FST: variants seen among roughly 807,000 people sequenced by gnomAD.
FST encodes follistatin.
In FST, 6 loss-of-function variants were observed where a neutral mutation model predicts 38.4. The observed-to-expected ratio is 0.16, with a 90% CI of 0.09 to 0.31. The LOEUF is 0.31. Among genes scored for constraint, FST ranks in the 10% least tolerant of loss-of-function variants. FST has a pLI of 1.00. For missense variants in FST, 301 were observed against 432.3 expected, an observed-to-expected ratio of 0.70 and a Z score of 2.69; for synonymous variants, 157 against 169.8, an observed-to-expected ratio of 0.92 and a Z score of 0.59.
chr5:53,484,300 A>AT lies in FST; in HGVS notation c.721+9dup, dbSNP rs1747416638. The AT allele has an allele frequency of 6.2e-7, 1 of 1,612,320 alleles. No individual in the cohort carries two copies. Among genetic ancestry groups the AT allele is most frequent in the Admixed American group, 1.7e-5 (1 of 59,918 alleles). On this transcript the variant is annotated splice_region_variant and intron_variant, in intron 4 of 5. Transcript: ENST00000256759. ...TATGAGGGAAAGTGTATCAGTAGGT[A>AT]TTCTGGATTGAGGAAGGAAAAAGAG...
Position 53,480,865 on chromosome 5 carries a change from GC to G in FST, c.75del (p.Ser26ValfsTer25). The G allele has an allele frequency of 6.6e-7, 1 of 1,524,080 alleles. No individual in the cohort carries two copies. 94.4% of individuals were successfully genotyped at this position (1,524,080 alleles called of 1,614,324 possible). On this transcript the variant is annotated frameshift_variant, in exon 1 of 6. Coordinates refer to ENST00000256759, the MANE Select transcript of FST (RefSeq NM_013409.3). LOFTEE classifies it high-confidence loss of function. Reference protein sequence around the residue: ...LLLLCQFMEDRSAQAGNCWLR... With the variant: ...LLLLCQFMEDXSAQAGNCWLR... ...CTGCTCTGCCAGTTCATGGAGGACC[GC>G]AGTGCCCAGGGTAAGCGAGTGGGGA...
chr5:53,481,822 C>T (rs1579760170), intron 1 of FST, among the ~76,000 whole-genome samples: 1 of 152,206 alleles, frequency 6.6e-6, no homozygotes, highest in African/African-American at 2.4e-5. Flanking sequence ...ATATTTCTTG[C>T]TAGGTATGAG....
At chr5:53,481,875 C>G (rs1376390725) in intron 1 of FST, among the ~76,000 whole-genome samples, 1 of 152,194 alleles carries the variant, frequency 6.6e-6, no homozygotes, top group Non-Finnish European at 1.5e-5. Context: ...ACTCCCCCCT[C>G]CCCCCACCTT....
rs367632187 is a variant in FST, at chr5:53,482,216, T to TTC, written c.86-650_86-649dup. 4.6e-5 allele frequency among the ~76,000 whole-genome samples: 7 copies of TTC among 151,836 alleles called. No individual in the cohort carries two copies. The East Asian group carries it at 5.8e-4, about 13-fold the overall frequency. ...CAGAAGTGCCTTTTGCTTGATCTGTTTCTCTCTCTCTCTCTTTCTTTTCTT... is the reference window on the plus strand; with the variant it reads ...CAGAAGTGCCTTTTGCTTGATCTGTTTCTCTCTCTCTCTCTCTTTCTTTTCTT... On this transcript the variant is annotated intron_variant, in intron 1 of 5. Transcript: ENST00000256759.
Position 53,483,190 on chromosome 5 carries a change from T to C in FST, c.277+119T>C. On this transcript the variant is annotated intron_variant, in intron 2 of 5. Transcript: ENST00000256759. This position sits in a 1 kb window ranked among gnomAD's most constrained non-coding sequence, Gnocchi z 4.1. ...GCTTTGTTCCTGGGCTTCCCCTTCC[T>C]GTCCCTTGCCCTGGTAAGCCGTGCA... The C allele has an allele frequency of 2.8e-6, 2 of 711,804 alleles. No individual in the cohort carries two copies. The highest frequency in any genetic ancestry group is 2.5e-5 in the Admixed American group (1 of 40,578). The allele number at this position is 711,804 out of a possible 1,614,324, so 44.1% of individuals were successfully genotyped here. A position where few individuals can be genotyped will look rare whatever the true frequency, so the allele number is the denominator to read the frequency against.
chr5:53,482,363 C>CGA (rs1343393936), intron 1 of FST, among the ~76,000 whole-genome samples: 1 of 149,816 alleles, frequency 6.7e-6, no homozygotes, highest in Admixed American at 6.7e-5. Context: ...CTCCATCTCT[C>CGA]CTCTCTCCTC....
chr5:53,482,725 T>C, intron 1 of FST, 155 bp from the exon 2 acceptor site: 3 of 575,494 alleles, frequency 5.2e-6, no homozygotes, highest in Non-Finnish European at 9.5e-6. Context: ...TTCGATTTAT[T>C]TCCTACTTTT....
Position 53,483,736 on chromosome 5 carries a change from T to A in FST, c.496+14T>A. The A allele has an allele frequency of 6.3e-7, 1 of 1,590,776 alleles. No homozygotes were observed. Among genetic ancestry groups the A allele is most frequent in the Non-Finnish European group, 8.6e-7 (1 of 1,159,220 alleles). ...GCAGATGTAAAAGTAGGTCCTACCC[T>A]GTTGAGCAAGACTGGATCTGTCCCC... On this transcript the variant is annotated intron_variant, in intron 3 of 5. Coordinates refer to ENST00000256759, the MANE Select transcript of FST (RefSeq NM_013409.3). This position sits in a 1 kb window ranked among gnomAD's most constrained non-coding sequence, Gnocchi z 4.1.
chr5:53,480,965 C>A, intron 1 of FST, 89 bp downstream of exon 1: 1 of 550,368 alleles, frequency 1.8e-6, no homozygotes, highest in South Asian at 3.0e-5. Context: ...TTCTGAGCAA[C>A]GCTGCTCTCG....
Position 53,483,314 on chromosome 5 carries a change from G to A in FST, c.278-190G>A, listed in dbSNP as rs1351169776. 6.6e-6 allele frequency among the ~76,000 whole-genome samples: 1 copy of A among 152,138 alleles called. No homozygotes were observed. Among genetic ancestry groups the A allele is most frequent in the Non-Finnish European group, 1.5e-5 (1 of 68,010 alleles). On this transcript the variant is annotated intron_variant, in intron 2 of 5. Coordinates refer to ENST00000256759, the MANE Select transcript of FST (RefSeq NM_013409.3). This position sits in a 1 kb window ranked among gnomAD's most constrained non-coding sequence, Gnocchi z 4.1. ...CACCAACCTGTGCTCCTTAATGAGA[G>A]AGATCTGGGTGTGGGGCACAGCCCA...
chr5:53,485,930 C>A lies in FST; in HGVS notation c.953-21C>A, dbSNP rs1747521543. The A allele has an allele frequency of 8.1e-6, 13 of 1,605,702 alleles. No individual in the cohort carries two copies. The East Asian group carries it at 2.9e-4, about 36-fold the overall frequency. On this transcript the variant is annotated intron_variant, in intron 5 of 5. Coordinates refer to ENST00000256759, the MANE Select transcript of FST (RefSeq NM_013409.3). ...TGTTGTCCGTATTTAAACAACAGCT[C>A]CCCTGTATTCCCCCATCTAGCCATT...
chr5:53,481,844 T>C (rs1192415251), intron 1 of FST, among the ~76,000 whole-genome samples: 2 of 152,216 alleles, frequency 1.3e-5, no homozygotes, highest in Non-Finnish European at 2.9e-5. Flanking sequence ...TAGGTACTTA[T>C]AACCGTGAAA....
chr5:53,480,798 C>A lies in FST; in HGVS notation c.7C>A (p.Arg3Ser), dbSNP rs568804432. Reference protein sequence around the residue: MVRARHQPGGLCL... With the variant: MVSARHQPGGLCL... ...CCCCGCGCCTGCCCCCAGGATGGTC[C>A]GCGCGAGGCACCAGCCGGGTGGGCT... Residue 3 changes from arginine (R) to serine (S), a missense_variant, in exon 1 of 6, where the codon CGC becomes AGC. By Grantham distance (110) the Arg-to-Ser change is moderately radical. Transcript: ENST00000256759. The A allele has an allele frequency of 2.0e-6, 3 of 1,501,610 alleles. No individual in the cohort carries two copies. The Admixed American group carries it at 6.4e-5, about 32-fold the overall frequency. The allele number at this position is 1,501,610 out of a possible 1,614,324, so 93.0% of individuals were successfully genotyped here.
chr5:53,486,079 AAAAAAAAAAAAAAAG>A lies in FST; in HGVS notation c.*52_*66del. On this transcript the variant is annotated 3_prime_UTR_variant, in exon 6 of 6. Transcript: ENST00000256759. Reference sequence around the variant, plus strand: ...GTTGACATAGCCTTTGTGCAAAAAAAAAAAAAAAAAAAAAGAAAAAGAAAAAAAGAAAAATATATT... The same window carrying A: ...GTTGACATAGCCTTTGTGCAAAAAAAAAAAAGAAAAAAAGAAAAATATATT... The A allele has an allele frequency of 1.2e-6, 1 of 810,458 alleles. No individual in the cohort carries two copies. The highest frequency in any genetic ancestry group is 1.9e-6 in the Non-Finnish European group (1 of 520,292). The allele number at this position is 810,458 out of a possible 1,614,324, so 50.2% of individuals were successfully genotyped here. A position where few individuals can be genotyped will look rare whatever the true frequency, so the allele number is the denominator to read the frequency against.
At position 53,483,972 on chromosome 5, in the gene FST, G is replaced by A. The variant is rs1747395971; in HGVS notation, c.497-97G>A. On this transcript the variant is annotated intron_variant, in intron 3 of 5. Coordinates refer to ENST00000256759, the MANE Select transcript of FST (RefSeq NM_013409.3). The surrounding 1 kb of genome is among the most constrained non-coding windows in gnomAD (Gnocchi z 4.1). Reference sequence around the variant, plus strand: ...GCTCCCTAAGTGCCTTTTGAAAGCTGGATGCTTCAGTGTCATGATTTCCTT... The same window carrying A: ...GCTCCCTAAGTGCCTTTTGAAAGCTAGATGCTTCAGTGTCATGATTTCCTT... 9.6e-7 allele frequency: 1 copy of A among 1,046,504 alleles called. No homozygotes were observed. The highest frequency in any genetic ancestry group is 1.4e-6 in the Non-Finnish European group (1 of 697,924). 64.8% of individuals were successfully genotyped at this position (1,046,504 alleles called of 1,614,324 possible). A position where few individuals can be genotyped will look rare whatever the true frequency, so the allele number is the denominator to read the frequency against.
At chr5:53,480,954 G>T (rs1424274092) in intron 1 of FST, 78 bp downstream of exon 1, 7 of 651,566 alleles carry the variant, frequency 1.1e-5, no homozygotes, top group Non-Finnish European at 1.7e-5. Context: ...CACTTGGTCT[G>T]TTCTGAGCAA....
At position 53,482,904 on chromosome 5, in the gene FST, C is replaced by G. The variant is rs759923783; in HGVS notation, c.110C>G (p.Ala37Gly). The G allele has an allele frequency of 1.9e-5, 30 of 1,609,258 alleles. No homozygotes were observed. The South Asian group carries it at 3.1e-4, about 17-fold the overall frequency. Residue 37 changes from alanine (A) to glycine (G), a missense_variant, in exon 2 of 6, where the codon GCG becomes GGG. Transcript: ENST00000256759. ...AQAGNCWLRQ[A>G]KNGRCQVLYK... ...GCTGGGAACTGCTGGCTCCGTCAAGCGAAGAACGGCCGCTGCCAGGTCCTG... is the reference window on the plus strand; with the variant it reads ...GCTGGGAACTGCTGGCTCCGTCAAGGGAAGAACGGCCGCTGCCAGGTCCTG...
At chr5:53,482,758 C>G (rs1561295887) in intron 1 of FST, 122 bp from the exon 2 acceptor site, 1 of 594,996 alleles carries the variant, frequency 1.7e-6, no homozygotes, top group East Asian at 3.0e-5. Context: ...TCTCACTTCC[C>G]CTCCTCCACG....
intron 1 of FST, 106 bp from the exon 2 acceptor site, chr5:53,482,774 C>A (rs1747316607): frequency 1.6e-6 from 1 of 636,720 alleles, no homozygotes; most frequent in African/African-American, 1.8e-5. Context: ...CCACGCTCAC[C>A]CCCTCCCCAT....
Sources: gnomAD v4.1 joint callset for allele counts (sites outside exome capture counted in the v4.1 genomes callset) on GRCh38, gnomAD v4.1.1 for gene constraint, Gnocchi (gnomAD v3.1) non-coding constraint, MANE v1.5 for transcripts, NCBI Gene and HGNC (gene_info 2026-07-23, HGNC 2026-07-21) for gene names.